Variants in ANKRD17 observed in about 807,000 individuals in gnomAD.
ANKRD17 encodes the protein ankyrin repeat domain-containing protein 17.
In ANKRD17, 19 loss-of-function variants were observed where a neutral mutation model predicts 229.7. That is an observed-to-expected ratio of 0.08 (90% CI 0.06 to 0.12). The LOEUF is 0.12. Among genes scored for constraint, ANKRD17 ranks in the 10% least tolerant of loss-of-function variants. The pLI is 1.00. For missense variants in ANKRD17, 2,176 were observed against 3,176.8 expected, an observed-to-expected ratio of 0.68 and a Z score of 7.57; for synonymous variants, 1,112 against 1,146.1, an observed-to-expected ratio of 0.97 and a Z score of 0.60.
intron 16 of ANKRD17, among the ~76,000 whole-genome samples, chr4:73,131,715 G>C (rs1303893824): frequency 6.6e-6 from 1 of 152,146 alleles, no homozygotes; most frequent in Non-Finnish European, 1.5e-5. Flanking sequence ...TGTTGGGCAA[G>C]GTAGTTAATA....
chr4:73,206,437 A>C (rs1057456460), intron 1 of ANKRD17, among the ~76,000 whole-genome samples: 44 of 151,928 alleles, frequency 2.9e-4, no homozygotes, highest in African/African-American at 6.0e-4. Flanking sequence ...AGAGAGAGAG[A>C]GAGAGAGAGA....
intron 16 of ANKRD17, among the ~76,000 whole-genome samples, chr4:73,130,118 G>A (rs1283789447): frequency 1.3e-5 from 2 of 152,030 alleles, no homozygotes; most frequent in Non-Finnish European, 2.9e-5. Context: ...AGGACTTAAA[G>A]AGCTGAACTT....
intron 25 of ANKRD17, among the ~76,000 whole-genome samples, chr4:73,101,933 C>G (rs1443467948): frequency 6.6e-6 from 1 of 151,750 alleles, no homozygotes; most frequent in African/African-American, 2.4e-5. Context: ...TATATCTTTT[C>G]TTTTCTCTTT....
chr4:73,096,310 T>C (rs1723295444), intron 27 of ANKRD17, among the ~76,000 whole-genome samples: 1 of 152,226 alleles, frequency 6.6e-6, no homozygotes, highest in Non-Finnish European at 1.5e-5. Flanking sequence ...GAGAATATTC[T>C]GATGATGTGA....
chr4:73,236,655 C>T (rs1236703889), intron 1 of ANKRD17, among the ~76,000 whole-genome samples: 1 of 151,052 alleles, frequency 6.6e-6, no homozygotes, highest in African/African-American at 2.4e-5. Context: ...TTGATCCTGA[C>T]TGGGAAAAAA....
intron 24 of ANKRD17, 56 bp downstream of exon 24, chr4:73,113,736 A>C: frequency 8.0e-7 from 1 of 1,244,148 alleles, no homozygotes; most frequent in Non-Finnish European, 1.2e-6. Context: ...AATCAAAAGA[A>C]GAGAAAACAA....
chr4:73,101,694 G>T (rs1006974410), intron 25 of ANKRD17, among the ~76,000 whole-genome samples: 2 of 147,296 alleles, frequency 1.4e-5, no homozygotes. Context: ...ATTTATAGGC[G>T]CAATGTCAGG....
chr4:73,123,239 C>T (rs1018534799), intron 18 of ANKRD17, among the ~76,000 whole-genome samples: 21 of 151,878 alleles, frequency 1.4e-4, no homozygotes, highest in African/African-American at 5.1e-4. Flanking sequence ...TTTTTTCAAG[C>T]TAAATAATGA....
intron 24 of ANKRD17, among the ~76,000 whole-genome samples, chr4:73,110,624 G>C (rs1725198158): frequency 6.6e-6 from 1 of 152,132 alleles, no homozygotes; most frequent in Non-Finnish European, 1.5e-5. Context: ...ATCTCAAAAG[G>C]CTAAAGAAGT....
chr4:73,143,183 A>C (rs971830997), intron 11 of ANKRD17, among the ~76,000 whole-genome samples: 3 of 152,252 alleles, frequency 2.0e-5, no homozygotes, highest in Admixed American at 6.5e-5. Context: ...GTAGAGAATA[A>C]ACACTAAATA....
rs761444728 is a variant in ANKRD17, at chr4:73,120,008, T to C, written c.4025+154A>G. ...GACAATGTAGCATAGCTCTGGAGGGTTGGAAAACAATGGGTAGGTTTGGGG... is the reference window on the plus strand; with the variant it reads ...GACAATGTAGCATAGCTCTGGAGGGCTGGAAAACAATGGGTAGGTTTGGGG... On this transcript the variant is annotated intron_variant, in intron 21 of 33. Coordinates refer to ENST00000358602, the MANE Select transcript of ANKRD17 (RefSeq NM_032217.5). Among the ~76,000 whole-genome samples the C allele has an allele frequency of 3.3e-5, 5 of 152,092 alleles. No individual in the cohort carries two copies. The South Asian group carries it at 6.2e-4, about 19-fold the overall frequency.
At chr4:73,247,312 G>C (rs1261876687) in intron 1 of ANKRD17, among the ~76,000 whole-genome samples, 1 of 151,952 alleles carries the variant, frequency 6.6e-6, no homozygotes, top group African/African-American at 2.4e-5. Flanking sequence ...AGCAAAACTT[G>C]AGAGTATTTA....
chr4:73,112,187 G>T (rs1725402798), intron 24 of ANKRD17, among the ~76,000 whole-genome samples: 1 of 152,180 alleles, frequency 6.6e-6, no homozygotes, highest in Non-Finnish European at 1.5e-5. Context: ...ATAGGTAATT[G>T]CAGAGGTAAA....
In ANKRD17 at chr4:73,147,338, A is replaced by C; in HGVS notation, c.1662T>G (p.Ile554Met). Residue 554 changes from isoleucine (I) to methionine (M), a missense_variant, in exon 9 of 34, where the codon ATT (isoleucine) becomes ATG (methionine). By Grantham distance (10) the Ile-to-Met change is conservative. Transcript: ENST00000358602. ...CTAGTTCTATATCGGCTCCTGCCTT[A>C]ATTAGAAAGTCTGCCACTTCCAGAA... is the stretch of plus-strand genomic sequence containing the variant. ...GGFLEVADFL[I>M]KAGADIELGC... The C allele has an allele frequency of 1.2e-6, 2 of 1,610,398 alleles. No homozygotes were observed. The highest frequency in any genetic ancestry group is 1.7e-6 in the Non-Finnish European group (2 of 1,177,876).
intron 1 of ANKRD17, among the ~76,000 whole-genome samples, chr4:73,194,118 T>C (rs2149078072): frequency 6.6e-6 from 1 of 152,338 alleles, no homozygotes; most frequent in Non-Finnish European, 1.5e-5. Flanking sequence ...TTAATTTCAA[T>C]GAAATCCAAA....
intron 1 of ANKRD17, among the ~76,000 whole-genome samples, chr4:73,181,184 G>A (rs1364875545): frequency 6.6e-6 from 1 of 152,110 alleles, no homozygotes; most frequent in Non-Finnish European, 1.5e-5. Flanking sequence ...CTTACATTAG[G>A]TAGTAGGTGG....
intron 20 of ANKRD17, among the ~76,000 whole-genome samples, chr4:73,120,628 TC>T (rs748290077): frequency 9.2e-5 from 14 of 151,974 alleles, no homozygotes; most frequent in Non-Finnish European, 1.6e-4. Context: ...AATGTTCCAT[TC>T]CCTTCCTTTT....
chr4:73,097,594 T>C (rs565327517), intron 26 of ANKRD17, among the ~76,000 whole-genome samples: 65 of 151,976 alleles, frequency 4.3e-4, no homozygotes, highest in African/African-American at 1.4e-3. Flanking sequence ...GCCATCACAT[T>C]GGCTAATTAA....
At chr4:73,227,868 T>C (rs1742665027) in intron 1 of ANKRD17, among the ~76,000 whole-genome samples, 1 of 152,150 alleles carries the variant, frequency 6.6e-6, no homozygotes, top group Non-Finnish European at 1.5e-5. Flanking sequence ...CTTAACACTT[T>C]GTTGTTTGTT....
Sources: gnomAD v4.1 joint callset for allele counts (sites outside exome capture counted in the v4.1 genomes callset) on GRCh38, gnomAD v4.1.1 for gene constraint, MANE v1.5 for transcripts, NCBI Gene and HGNC (gene_info 2026-07-23, HGNC 2026-07-21) for gene names.